Variants in CENPU observed in about 807,000 individuals in gnomAD.
The protein encoded by CENPU is KSHV latent nuclear antigen interacting protein 1.
Under a neutral mutation model 56.7 loss-of-function variants are expected in CENPU, and 46 were observed. The observed-to-expected ratio is 0.81, with a 90% CI of 0.64 to 1.04. The LOEUF (loss-of-function observed/expected upper bound fraction) is 1.04, where lower values mean the gene tolerates loss of function less well. Ranked by LOEUF, CENPU falls within the 50% of genes least tolerant of loss-of-function variation. The pLI, the probability that CENPU is intolerant of heterozygous loss-of-function variation, is 0.00. For synonymous variants in CENPU, 166 were observed against 163.0 expected, an observed-to-expected ratio of 1.02 and a Z score of -0.14; for missense variants, 510 against 490.1, an observed-to-expected ratio of 1.04 and a Z score of -0.38.
intron 12 of CENPU, among the ~76,000 whole-genome samples, chr4:184,696,300 C>T (rs1471364807): frequency 6.6e-6 from 1 of 152,096 alleles, no homozygotes; most frequent in Non-Finnish European, 1.5e-5. Flanking sequence ...AAGACATATG[C>T]CCAAATATCT....
Position 184,730,945 on chromosome 4 carries a change from A to G in CENPU, c.71T>C (p.Leu24Ser), listed in dbSNP as rs1010479363. Residue 24 changes from leucine to serine, a missense_variant, in exon 2 of 13, where the codon TTA (leucine) becomes TCA (serine). Transcript: ENST00000281453. ...ATCTTTCATGGAATGTGTTCTTTCT[A>G]AAGTGTTCTTTGAACGTCTTGCGCT... The part of the protein sequence containing the change: ...SEGARRSKNT[L>S]ERTHSMKDKA... The G allele has an allele frequency of 1.9e-6, 3 of 1,582,070 alleles. No homozygotes were observed. The highest frequency in any genetic ancestry group is 1.4e-5 in the African/African-American group (1 of 72,676).
chr4:184,699,469 G>C, intron 11 of CENPU: 1 of 784,002 alleles, frequency 1.3e-6, no homozygotes, highest in Non-Finnish European at 1.9e-6. Flanking sequence ...GTTAGCATAG[G>C]AAGCGTTTAG....
Position 184,697,746 on chromosome 4 carries a change from C to A in CENPU, c.1044G>T (p.Lys348Asn), listed in dbSNP as rs778420765. The A allele has an allele frequency of 6.2e-7, 1 of 1,612,810 alleles. No homozygotes were observed. Among genetic ancestry groups the A allele is most frequent in the Non-Finnish European group, 8.5e-7 (1 of 1,179,512 alleles). ...QTKYDELKER[K>N]SSLRNAAYFL... ...AATATGCTGCATTCCTAAGGGAAGA[C>A]TTTCTCTCTTTAAGTTCATCATATT... The change falls in exon 12 of 13, where the codon AAG becomes AAT. Residue 348 changes from lysine (K) to asparagine (N), a missense_variant. Physicochemically the swap from Lys to Asn is moderately conservative, Grantham distance 94. Coordinates refer to ENST00000281453, the MANE Select transcript of CENPU (RefSeq NM_024629.4).
At chr4:184,717,080 G>T in intron 5 of CENPU, 56 bp downstream of exon 5, 1 of 1,138,588 alleles carries the variant, frequency 8.8e-7, no homozygotes, top group Non-Finnish European at 1.3e-6. Context: ...TTCTGTACTT[G>T]CATCCAATCA....
At chr4:184,708,765 AAG>A (rs1485783875) in intron 8 of CENPU, among the ~76,000 whole-genome samples, 1 of 152,212 alleles carries the variant, frequency 6.6e-6, no homozygotes, top group Non-Finnish European at 1.5e-5. Context: ...TTGCAACATA[AAG>A]AGTCACACTG....
rs376268897 is a variant in CENPU at position 184,711,788 on chromosome 4, CAA to C, written c.688+1154_688+1155del. The stretch of plus-strand genomic sequence containing the variant: ...GCAATTTCACTCCTTTTCATTTACC[CAA>C]GAGAAATGAAAACATACGTTCGCAA... On this transcript the variant is annotated intron_variant, in intron 7 of 12. Transcript: ENST00000281453. Among the ~76,000 whole-genome samples, 1,096 of 152,020 alleles carry C rather than the reference CAA, an allele frequency of 7.2e-3. 12 individuals are homozygous for C. Among genetic ancestry groups the C allele is most frequent in the African/African-American group, 0.025 (1,039 of 41,444 alleles).
At chr4:184,724,704 A>T (rs1282634838) in intron 4 of CENPU, among the ~76,000 whole-genome samples, 1 of 152,166 alleles carries the variant, frequency 6.6e-6, no homozygotes, top group East Asian at 1.9e-4. Flanking sequence ...TTCTTATTTG[A>T]CTCAAAGCTA....
intron 4 of CENPU, among the ~76,000 whole-genome samples, chr4:184,723,244 A>G (rs1008484198): frequency 1.3e-5 from 2 of 152,324 alleles, no homozygotes; most frequent in Non-Finnish European, 2.9e-5. Flanking sequence ...CTAGGTAGCA[A>G]CCTATGCTGC....
Position 184,702,074 on chromosome 4 carries a change from A to T in CENPU, c.924+15T>A. On this transcript the variant is annotated intron_variant, in intron 10 of 12. Coordinates refer to ENST00000281453, the MANE Select transcript of CENPU (RefSeq NM_024629.4). ...TGTGTTTGACTCTATGACTCTAATCACATAAATAATTTACCTTAGCATTCT... is the reference window on the plus strand; with the variant it reads ...TGTGTTTGACTCTATGACTCTAATCTCATAAATAATTTACCTTAGCATTCT... The T allele has an allele frequency of 6.4e-7, 1 of 1,569,644 alleles. No homozygotes were observed. The highest frequency in any genetic ancestry group is 8.8e-7 in the Non-Finnish European group (1 of 1,141,538).
At chr4:184,729,083 A>C (rs1761551491) in intron 2 of CENPU, 48 bp from the exon 3 acceptor site, 1 of 1,368,738 alleles carries the variant, frequency 7.3e-7, no homozygotes, top group African/African-American at 1.4e-5. Flanking sequence ...CACAAAGAAC[A>C]ATAGGTTGAT....
At chr4:184,730,794 GAACA>G in intron 2 of CENPU, 122 bp downstream of exon 2, 1 of 608,350 alleles carries the variant, frequency 1.6e-6, no homozygotes, top group Middle Eastern at 2.8e-4. Flanking sequence ...TGAGGAAAAT[GAACA>G]CACTTTTTCA....
intron 1 of CENPU, among the ~76,000 whole-genome samples, chr4:184,731,883 CTGTG>C (rs59083873): frequency 3.9e-4 from 57 of 146,754 alleles, no homozygotes; most frequent in African/African-American, 1.1e-3. Context: ...CTCATGTGCT[CTGTG>C]TGTGTGTGTG....
rs563995716 is a variant in CENPU at position 184,734,050 on chromosome 4, C to T, written c.13G>A (p.Gly5Arg). Residue 5 changes from glycine to arginine, a missense_variant, in exon 1 of 13, where the codon GGG (glycine) becomes AGG (arginine). By Grantham distance (125) the Gly-to-Arg change is moderately radical (BLOSUM62 -2). Transcript: ENST00000281453. The part of the protein sequence containing the change: MAPR[G>R]RRRPRPHRSE... ...CTGTGAGGCCGCGGCCGCCGCCGCC[C>T]CCGCGGGGCCATGGTGCCGCTCTCC... The T allele has an allele frequency of 1.1e-5, 18 of 1,569,226 alleles. No individual in the cohort carries two copies. The highest frequency in any genetic ancestry group is 1.7e-4 in the Middle Eastern group (1 of 5,802).
intron 1 of CENPU, 32 bp downstream of exon 1, chr4:184,733,984 G>A (rs1488739781): frequency 1.2e-6 from 2 of 1,611,098 alleles, no homozygotes; most frequent in Admixed American, 1.7e-5. Context: ...CTGGTCTCCG[G>A]CCCCGCGCTC....
chr4:184,704,965 T>C (rs142515009), intron 8 of CENPU, among the ~76,000 whole-genome samples: 77 of 152,356 alleles, frequency 5.1e-4, no homozygotes, highest in African/African-American at 1.8e-3. Flanking sequence ...GGCAAGGATG[T>C]AGAGAATCTG....
intron 4 of CENPU, among the ~76,000 whole-genome samples, chr4:184,722,417 T>C (rs1401360): frequency 0.18 from 27,101 of 152,082 alleles, 2,720 homozygotes; most frequent in African/African-American, 0.26. Context: ...CCAATAAAGA[T>C]AGCAACTTTG....
Position 184,725,081 on chromosome 4 carries a change from G to A in CENPU, c.215-19C>T, listed in dbSNP as rs371313975. 2.6e-6 allele frequency: 4 copies of A among 1,513,342 alleles called. No individual in the cohort carries two copies. The highest frequency in any genetic ancestry group is 2.3e-5 in the East Asian group (1 of 44,248). The allele number at this position is 1,513,342 out of a possible 1,614,324, so 93.7% of individuals were successfully genotyped here. On this transcript the variant is annotated intron_variant, in intron 3 of 12. Coordinates refer to ENST00000281453, the MANE Select transcript of CENPU (RefSeq NM_024629.4). ...GGAGGATCTTTCAAAAGACAAAAAA[G>A]AAGCACAACTTTAAAAGTCTGGCTA...
intron 4 of CENPU, among the ~76,000 whole-genome samples, chr4:184,722,295 TTAAA>T (rs1479406657): frequency 5.3e-5 from 8 of 151,816 alleles, no homozygotes; most frequent in Admixed American, 5.2e-4. Flanking sequence ...AAGAAAAACT[TTAAA>T]TAAATAACCT....
chr4:184,729,984 C>T lies in CENPU; in HGVS notation c.96+936G>A, dbSNP rs555736339. Among the ~76,000 whole-genome samples the T allele has an allele frequency of 3.3e-5, 5 of 152,274 alleles. 1 individual carries two copies. The East Asian group carries it at 9.6e-4, about 29-fold the overall frequency. On this transcript the variant is annotated intron_variant, in intron 2 of 12. Coordinates refer to ENST00000281453, the MANE Select transcript of CENPU (RefSeq NM_024629.4). ...ATATAAAAACTTGACCATTCAGATG[C>T]CCCCAGTGAAAGAATCATTCCTGGA...
Sources: gnomAD v4.1 joint callset for allele counts (sites outside exome capture counted in the v4.1 genomes callset) on GRCh38, gnomAD v4.1.1 for gene constraint, MANE v1.5 for transcripts, NCBI Gene and HGNC (gene_info 2026-07-23, HGNC 2026-07-21) for gene names.